PEBP4: variants seen among roughly 807,000 people sequenced by gnomAD.
PEBP4 encodes phosphatidylethanolamine binding protein 4.
Under a neutral mutation model 23.9 loss-of-function variants are expected in PEBP4, and 22 were observed. The observed-to-expected ratio is 0.92, with a 90% CI of 0.66 to 1.31. The LOEUF is 1.31. Ranked by LOEUF, PEBP4 falls within the 40% of genes most tolerant of loss-of-function variation. The probability of loss-of-function intolerance (pLI) is 0.00; values close to 1 mark genes in which losing one functional copy is unlikely to be tolerated. For synonymous variants in PEBP4, 112 were observed against 99.3 expected (o/e 1.13, Z -0.76); for missense variants, 324 against 281.7 (o/e 1.15, Z -1.07).
At chr8:22,844,940 C>T (rs937936607) in intron 3 of PEBP4, among the ~76,000 whole-genome samples, 2 of 152,206 alleles carry the variant, frequency 1.3e-5, no homozygotes, top group African/African-American at 4.8e-5. Flanking sequence ...CCCTATGAAC[C>T]AGGGCCCATT....
chr8:22,733,145 G>A (rs1205942809), intron 4 of PEBP4, among the ~76,000 whole-genome samples: 5 of 152,216 alleles, frequency 3.3e-5, no homozygotes, highest in Non-Finnish European at 7.3e-5. Flanking sequence ...AGGAAGGGCA[G>A]AGATCTTTAG....
chr8:22,839,765 C>T (rs1444407381), intron 3 of PEBP4, among the ~76,000 whole-genome samples: 1 of 152,148 alleles, frequency 6.6e-6, no homozygotes, highest in African/African-American at 2.4e-5. Flanking sequence ...GTGATTTGTT[C>T]CGGTTCCTTC....
chr8:22,827,240 T>C (rs1252802779), intron 3 of PEBP4, among the ~76,000 whole-genome samples: 1 of 152,240 alleles, frequency 6.6e-6, no homozygotes, highest in African/African-American at 2.4e-5. Context: ...TATGGAGGTA[T>C]AGTTTACATA....
chr8:22,891,686 G>T (rs1808498084), intron 3 of PEBP4, among the ~76,000 whole-genome samples: 2 of 152,234 alleles, frequency 1.3e-5, no homozygotes, highest in African/African-American at 4.8e-5. Flanking sequence ...GCCTCAGACA[G>T]CAGAGGAGGA....
At chr8:22,909,162 C>T (rs952276257) in intron 3 of PEBP4, among the ~76,000 whole-genome samples, 2 of 152,168 alleles carry the variant, frequency 1.3e-5, no homozygotes, top group Non-Finnish European at 2.9e-5. Context: ...GGTCACCTAT[C>T]TCCCCCTGGT....
intron 4 of PEBP4, among the ~76,000 whole-genome samples, chr8:22,810,946 C>T (rs758466850): frequency 1.3e-5 from 2 of 151,828 alleles, no homozygotes; most frequent in Non-Finnish European, 2.9e-5. Context: ...TTTTCTTTCT[C>T]TTTCACCCCA....
chr8:22,892,441 A>G (rs1459367223), intron 3 of PEBP4, among the ~76,000 whole-genome samples: 1 of 152,222 alleles, frequency 6.6e-6, no homozygotes, highest in Non-Finnish European at 1.5e-5. Flanking sequence ...TGGTGGCTTC[A>G]TTCCTGGTGG....
At chr8:22,840,170 T>C (rs532448032) in intron 3 of PEBP4, among the ~76,000 whole-genome samples, 1 of 152,320 alleles carries the variant, frequency 6.6e-6, no homozygotes, top group South Asian at 2.1e-4. Context: ...GATCACAGTG[T>C]AAAACACGGT....
At chr8:22,818,652 G>A (rs1048612612) in intron 3 of PEBP4, among the ~76,000 whole-genome samples, 2 of 152,268 alleles carry the variant, frequency 1.3e-5, no homozygotes, top group East Asian at 1.9e-4. Context: ...TCTGATTTAT[G>A]CTTTTAGAGG....
At chr8:22,727,649 A>G (rs146435062) in intron 4 of PEBP4, among the ~76,000 whole-genome samples, 37 of 152,210 alleles carry the variant, frequency 2.4e-4, no homozygotes, top group African/African-American at 8.9e-4. Context: ...CTTACTAAGG[A>G]GCCCATCTTC....
At chr8:22,787,453 G>A (rs1165876938) in intron 4 of PEBP4, among the ~76,000 whole-genome samples, 1 of 152,040 alleles carries the variant, frequency 6.6e-6, no homozygotes, top group Non-Finnish European at 1.5e-5. Context: ...GCGGGGGAGG[G>A]GGATACCAAC....
chr8:22,857,195 G>C (rs1466046852), intron 3 of PEBP4, among the ~76,000 whole-genome samples: 2 of 151,292 alleles, frequency 1.3e-5, no homozygotes, highest in African/African-American at 4.9e-5. Flanking sequence ...AATCTGGGTA[G>C]TCCAAATTTT....
At chr8:22,839,929 G>T (rs1807288713) in intron 3 of PEBP4, among the ~76,000 whole-genome samples, 1 of 152,188 alleles carries the variant, frequency 6.6e-6, no homozygotes, top group Non-Finnish European at 1.5e-5. Flanking sequence ...GGGAAAGAAA[G>T]AAATGAATTA....
chr8:22,731,114 A>G (rs1205169841), intron 4 of PEBP4, among the ~76,000 whole-genome samples: 1 of 152,256 alleles, frequency 6.6e-6, no homozygotes, highest in South Asian at 2.1e-4. Context: ...AAGGTTAAAA[A>G]GAAGAAATAT....
intron 3 of PEBP4, among the ~76,000 whole-genome samples, chr8:22,851,919 A>C (rs1332392815): frequency 6.6e-6 from 1 of 152,148 alleles, no homozygotes; most frequent in African/African-American, 2.4e-5. Flanking sequence ...GTGGTCTTGC[A>C]GCTCTGACCC....
chr8:22,739,492 C>A (rs1804943469), intron 4 of PEBP4, among the ~76,000 whole-genome samples: 1 of 152,160 alleles, frequency 6.6e-6, no homozygotes, highest in South Asian at 2.1e-4. Flanking sequence ...GGGACCAATA[C>A]ACTGGGAGGA....
At chr8:22,733,421 C>A (rs1256971890) in intron 4 of PEBP4, among the ~76,000 whole-genome samples, 1 of 152,182 alleles carries the variant, frequency 6.6e-6, no homozygotes, top group Non-Finnish European at 1.5e-5. Context: ...TCCTCCCTCA[C>A]CTGGGGAACC....
chr8:22,838,128 T>C (rs1807245465), intron 3 of PEBP4, among the ~76,000 whole-genome samples: 1 of 152,068 alleles, frequency 6.6e-6, no homozygotes, highest in African/African-American at 2.4e-5. Context: ...CTGAAACTCT[T>C]GGGCTCCAGC....
chr8:22,715,094 G>A (rs952364033), intron 6 of PEBP4, among the ~76,000 whole-genome samples: 1 of 152,226 alleles, frequency 6.6e-6, no homozygotes, highest in Non-Finnish European at 1.5e-5. Flanking sequence ...GCAGGGATGG[G>A]GAAAGGCCTT....
Sources: allele counts gnomAD v4.1 joint callset (sites outside exome capture counted in the v4.1 genomes callset), GRCh38; gene constraint gnomAD v4.1.1; transcripts MANE v1.5; gene names NCBI Gene and HGNC (gene_info 2026-07-23, HGNC 2026-07-21).